The following DPH6 variants were observed in gnomAD, a reference collection of about 807,000 sequenced individuals.
DPH6 encodes the protein diphthamine biosynthesis 6.
Under a neutral mutation model 38.2 loss-of-function variants are expected in DPH6, and 33 were observed. That is an observed-to-expected ratio of 0.86 (90% confidence interval 0.65 to 1.15). The LOEUF (loss-of-function observed/expected upper bound fraction) is 1.15, where lower values mean the gene tolerates loss of function less well. Ranked by LOEUF, DPH6 falls within the 50% of genes most tolerant of loss-of-function variation. The pLI is 0.00. For synonymous variants in DPH6, 108 were observed against 103.0 expected (o/e 1.05, Z -0.30); for missense variants, 325 against 320.0 (o/e 1.02, Z -0.12).
At chr15:35,253,579 G>T (rs1160254732) in intron 3 of DPH6, among the ~76,000 whole-genome samples, 1 of 152,202 alleles carries the variant, frequency 6.6e-6, no homozygotes, top group Non-Finnish European at 1.5e-5. Context: ...ATCGACATTT[G>T]ATGGTTTCAA....
intron 3 of DPH6, among the ~76,000 whole-genome samples, chr15:35,501,309 G>C (rs2054624528): frequency 6.6e-6 from 1 of 152,036 alleles, no homozygotes; most frequent in African/African-American, 2.4e-5. Context: ...CTTTAGCAAA[G>C]TGATGCTCAT....
chr15:35,522,182 T>C (rs1677686432), intron 3 of DPH6: 1 of 1,613,448 alleles, frequency 6.2e-7, no homozygotes, highest in South Asian at 1.1e-5. Flanking sequence ...TTTGGAGTCC[T>C]GTAAACAATC....
intron 3 of DPH6, among the ~76,000 whole-genome samples, chr15:35,497,575 C>T (rs915296949): frequency 6.6e-6 from 1 of 151,974 alleles, no homozygotes; most frequent in South Asian, 2.1e-4. Context: ...GGTTGATTCA[C>T]GACAAGTAAA....
At chr15:35,403,589 C>T (rs1164088668) in intron 6 of DPH6, among the ~76,000 whole-genome samples, 1 of 152,058 alleles carries the variant, frequency 6.6e-6, no homozygotes, top group Non-Finnish European at 1.5e-5. Flanking sequence ...TGGCTCATGG[C>T]AGCCTCGACT....
intron 3 of DPH6, chr15:35,490,314 C>A (rs1025040614): frequency 3.1e-5 from 11 of 354,366 alleles, no homozygotes; most frequent in Non-Finnish European, 3.9e-5. Flanking sequence ...GTAACTAATA[C>A]ATGAACTATA....
At chr15:35,498,299 A>G (rs561125921) in intron 3 of DPH6, among the ~76,000 whole-genome samples, 1 of 152,186 alleles carries the variant, frequency 6.6e-6, no homozygotes, top group African/African-American at 2.4e-5. Context: ...TCCCTTGTTT[A>G]TAACAAGTCA....
At chr15:35,352,649 A>C (rs915799268) in intron 3 of DPH6, among the ~76,000 whole-genome samples, 5 of 152,186 alleles carry the variant, frequency 3.3e-5, no homozygotes, top group Non-Finnish European at 7.3e-5. Context: ...CATGGTGTAT[A>C]TGTGCCACAT....
intron 3 of DPH6, among the ~76,000 whole-genome samples, chr15:35,350,436 T>G (rs1247123882): frequency 6.6e-6 from 1 of 152,064 alleles, no homozygotes; most frequent in African/African-American, 2.4e-5. Flanking sequence ...CTTCATTACT[T>G]TCTGCTCTAA....
intron 6 of DPH6, among the ~76,000 whole-genome samples, chr15:35,383,190 C>A (rs763310343): frequency 1.4e-4 from 22 of 152,264 alleles, no homozygotes; most frequent in African/African-American, 5.1e-4. Context: ...CAAAGAATAA[C>A]TACATTTTTA....
the DPH6 span, among the ~76,000 whole-genome samples, chr15:35,171,414 C>T: frequency 2.6e-5 from 4 of 152,234 alleles, no homozygotes; most frequent in East Asian, 7.7e-4. Context: ...CATATACACA[C>T]TAAGTACATA....
chr15:35,415,591 T>G (rs1008540632), intron 5 of DPH6, among the ~76,000 whole-genome samples: 29 of 152,010 alleles, frequency 1.9e-4, no homozygotes, highest in Non-Finnish European at 2.9e-5. Flanking sequence ...TTGGGTTGCC[T>G]TTAAATATGA....
intron 3 of DPH6, among the ~76,000 whole-genome samples, chr15:35,473,585 G>A (rs74008102): frequency 0.093 from 14,110 of 151,874 alleles, 899 homozygotes; most frequent in African/African-American, 0.18. Flanking sequence ...ATATTGGTAC[G>A]CATATACCAA....
intron 3 of DPH6, chr15:35,299,070 T>C: frequency 5.3e-6 from 4 of 755,582 alleles, no homozygotes. Flanking sequence ...TTCTTCTGTC[T>C]TTCCAGCTCC....
rs571095348 is a variant in DPH6 at position 35,241,683 on chromosome 15, T to TA, written n.201-21102dup. Among the ~76,000 whole-genome samples the TA allele has an allele frequency of 8.7e-4, 123 of 141,990 alleles. 18 individuals are homozygous for TA. The East Asian group carries it at 0.02, about 24-fold the overall frequency. 93.2% of individuals were successfully genotyped at this position (141,990 alleles called of 152,430 possible). ...TTAACCCACAAGTATAAGATACCTCTACTCCCTCCTTGTCGACCGATCATG... is the reference window on the plus strand; with the variant it reads ...TTAACCCACAAGTATAAGATACCTCTAACTCCCTCCTTGTCGACCGATCATG... On this transcript the variant is annotated intron_variant and non_coding_transcript_variant, in intron 3 of 3. Coordinates refer to the DPH6 transcript ENST00000560386.
chr15:35,196,545 C>T, the DPH6 span, among the ~76,000 whole-genome samples: 3 of 152,244 alleles, frequency 2.0e-5, no homozygotes, highest in Admixed American at 6.5e-5. Context: ...CGAGTGCAAA[C>T]TTAGCAAATT....
chr15:35,351,059 C>A (rs1234280675), intron 3 of DPH6, among the ~76,000 whole-genome samples: 3 of 152,116 alleles, frequency 2.0e-5, no homozygotes, highest in Admixed American at 2.0e-4. Context: ...ATCTAATTAT[C>A]CCTGCAATTC....
intron 3 of DPH6, among the ~76,000 whole-genome samples, chr15:35,338,018 A>C (rs2052387727): frequency 6.6e-6 from 1 of 151,952 alleles, no homozygotes; most frequent in South Asian, 2.1e-4. Flanking sequence ...TACACCTTAT[A>C]CAAAAATTAA....
chr15:35,216,842 G>A (rs2140381664), downstream of DPH6, among the ~76,000 whole-genome samples: 1 of 152,292 alleles, frequency 6.6e-6, no homozygotes, highest in South Asian at 2.1e-4. Flanking sequence ...ATGGCAGTGG[G>A]TTGACATAGA....
At chr15:35,254,873 C>T (rs2051697195) in intron 3 of DPH6, among the ~76,000 whole-genome samples, 2 of 151,870 alleles carry the variant, frequency 1.3e-5, no homozygotes, top group Admixed American at 6.6e-5. Context: ...GTGGATCTCA[C>T]AAAGTACATT....
Sources: allele counts gnomAD v4.1 joint callset (sites outside exome capture counted in the v4.1 genomes callset), GRCh38; gene constraint gnomAD v4.1.1; transcripts MANE v1.5; gene names NCBI Gene and HGNC (gene_info 2026-07-23, HGNC 2026-07-21).